Variants in RPS10 observed in about 807,000 individuals in gnomAD.
RPS10 encodes the protein small ribosomal subunit protein eS10.
A neutral mutation model predicts 22.6 loss-of-function variants in RPS10; 2 were observed. The ratio of observed to expected loss-of-function variants is 0.09; its 90% CI spans 0.04 to 0.28. The LOEUF is 0.28. RPS10 is among the 10% of genes least tolerant of loss of function. The probability of loss-of-function intolerance (pLI) is 1.00; values close to 1 mark genes in which losing one functional copy is unlikely to be tolerated. For missense variants in RPS10, 137 were observed against 222.2 expected (o/e 0.62, Z 2.44); for synonymous variants, 70 against 75.9 (o/e 0.92, Z 0.40).
At chr6:34,417,624 C>T in intron 5 of RPS10, 77 bp from the exon 6 acceptor site, 8 of 1,403,482 alleles carry the variant, frequency 5.7e-6, no homozygotes, top group Non-Finnish European at 8.1e-6. Context: ...ACTTTCAGGC[C>T]TCATTATAAC....
chr6:34,419,886 T>A (rs1765705086), intron 4 of RPS10, among the ~76,000 whole-genome samples: 1 of 152,098 alleles, frequency 6.6e-6, no homozygotes. Context: ...CCCTGATTTA[T>A]TTGAGTTGGT....
chr6:34,422,334 A>G (rs556471944), intron 3 of RPS10, among the ~76,000 whole-genome samples: 1 of 152,290 alleles, frequency 6.6e-6, no homozygotes, highest in Admixed American at 6.5e-5. Context: ...TCTTTTTGTG[A>G]GACGGAGTCT....
rs1765746142 is a variant in RPS10 at position 34,421,020 on chromosome 6, A to AT, written c.400+709dup. 2.8e-5 allele frequency among the ~76,000 whole-genome samples: 4 copies of AT among 141,198 alleles called. No homozygotes were observed. The South Asian group carries it at 6.5e-4, about 23-fold the overall frequency. The allele number at this position is 141,198 out of a possible 152,430, so 92.6% of individuals were successfully genotyped here. A position where few individuals can be genotyped will look rare whatever the true frequency, so the allele number is the denominator to read the frequency against. On this transcript the variant is annotated intron_variant, in intron 4 of 5. Transcript: ENST00000648437. ...GAGACTGTCTCAAAAATGAAAGAAA[A>AT]TTAAAAAAAAAAAAAAGTTGAATCC... is the stretch of plus-strand genomic sequence containing the variant.
In RPS10 at chr6:34,424,740, T is replaced by C; in HGVS notation, c.251A>G (p.His84Arg). The C allele has an allele frequency of 6.2e-7, 1 of 1,614,160 alleles. No homozygotes were observed. Among genetic ancestry groups the C allele is most frequent in the South Asian group, 1.1e-5 (1 of 91,078 alleles). ...EGIQYLRDYL[H>R]LPPEIVPATL... ...GGCAGGCACAATCTCCGGGGGCAGA[T>C]GAAGGTAATCACGGAGATACTGGAT... The change falls in exon 3 of 6, where the codon CAT becomes CGT. Residue 84 changes from histidine to arginine, a missense_variant. Coordinates refer to ENST00000648437, the MANE Select transcript of RPS10 (RefSeq NM_001014.5).
At chr6:34,419,121 C>T (rs1355124310) in intron 4 of RPS10, among the ~76,000 whole-genome samples, 3 of 151,842 alleles carry the variant, frequency 2.0e-5, no homozygotes, top group Non-Finnish European at 4.4e-5. Flanking sequence ...CAGGTTCAAG[C>T]GATTCTCCTG....
intron 1 of RPS10, chr6:34,425,656 G>T: frequency 4.4e-6 from 1 of 228,492 alleles, no homozygotes; most frequent in Admixed American, 5.1e-5. Context: ...AAACCAAAGG[G>T]CTAAGGCCTT....
At chr6:34,424,159 A>AAAAAAAAAAAAAAAAC (rs1765869138) in intron 3 of RPS10, 1 of 150,558 alleles carries the variant, frequency 6.6e-6, no homozygotes, top group African/African-American at 2.5e-5. Context: ...AAAAAAAAAA[A>AAAAAAAAAAAAAAAAC]AAAAAGCAAC....
chr6:34,418,307 A>G (rs1292921168), intron 5 of RPS10, 62 bp downstream of exon 5: 2 of 1,613,182 alleles, frequency 1.2e-6, no homozygotes, highest in African/African-American at 1.3e-5. Flanking sequence ...CAACTTGCAG[A>G]GCAACCAGAC....
At chr6:34,419,749 T>C (rs1232511814) in intron 4 of RPS10, among the ~76,000 whole-genome samples, 1 of 152,016 alleles carries the variant, frequency 6.6e-6, no homozygotes, top group Non-Finnish European at 1.5e-5. Flanking sequence ...GCTAATTTTT[T>C]GTATTTTAAG....
chr6:34,418,187 G>C (rs1187256454), intron 5 of RPS10, 182 bp downstream of exon 5: 1 of 1,502,298 alleles, frequency 6.7e-7, no homozygotes. Flanking sequence ...AGTAATTTAT[G>C]TATTTACAAA....
At chr6:34,424,547 CACTTG>C in intron 3 of RPS10, 117 bp downstream of exon 3, 1 of 1,349,416 alleles carries the variant, frequency 7.4e-7, no homozygotes, top group South Asian at 1.3e-5. Context: ...AAGGTTCTAG[CACTTG>C]ACCAAATGCC....
In RPS10 at chr6:34,424,708, G is replaced by A. The variant is rs758507410; in HGVS notation, c.283C>T (p.Arg95Cys). The change falls in exon 3 of 6, where the codon CGC becomes TGC. Residue 95 changes from arginine (R) to cysteine (C), a missense_variant. By Grantham distance (180) the Arg-to-Cys change is radical. Transcript: ENST00000648437. ...CTGCCAGTCTCTGGACGGCTACGGC[G>A]TAGGGTGGCAGGCACAATCTCCGGG... ...LPPEIVPATL[R>C]RSRPETGRPR... is the part of the protein sequence containing the mutation. The A allele has an allele frequency of 6.2e-7, 1 of 1,614,158 alleles. No homozygotes were observed. Among genetic ancestry groups the A allele is most frequent in the Non-Finnish European group, 8.5e-7 (1 of 1,180,024 alleles).
intron 3 of RPS10, among the ~76,000 whole-genome samples, 195 bp from the exon 4 acceptor site, chr6:34,422,002 A>G (rs546844333): frequency 6.7e-6 from 1 of 149,448 alleles, no homozygotes; most frequent in Admixed American, 6.7e-5. Context: ...CTTATTGACA[A>G]TCTTGGCTGC....
At chr6:34,422,507 G>A (rs139808058) in intron 3 of RPS10, among the ~76,000 whole-genome samples, 1 of 151,976 alleles carries the variant, frequency 6.6e-6, no homozygotes, top group African/African-American at 2.4e-5. Flanking sequence ...TAGAAAGGGG[G>A]TTTCAACCTG....
rs77914849 is a variant in RPS10 at position 34,419,947 on chromosome 6, A to G, written c.401-1523T>C. On this transcript the variant is annotated intron_variant, in intron 4 of 5. Coordinates refer to ENST00000648437, the MANE Select transcript of RPS10 (RefSeq NM_001014.5). The stretch of plus-strand genomic sequence containing the variant: ...GCCCAGGCTGGAATGTAGCAACAAG[A>G]TCATAGCTCACTGTATCTCAAACTC... 6.3e-3 allele frequency among the ~76,000 whole-genome samples: 955 copies of G among 152,254 alleles called. 2 individuals are homozygous for G. The highest frequency in any genetic ancestry group is 0.01 in the South Asian group (50 of 4,828).
intron 3 of RPS10, among the ~76,000 whole-genome samples, chr6:34,423,392 A>G (rs1272841405): frequency 6.6e-6 from 1 of 152,144 alleles, no homozygotes; most frequent in Non-Finnish European, 1.5e-5. Flanking sequence ...TTGGCCTCCT[A>G]AAGTGCTGGG....
chr6:34,420,269 G>A (rs1466224117), intron 4 of RPS10, among the ~76,000 whole-genome samples: 2 of 152,068 alleles, frequency 1.3e-5, no homozygotes, highest in African/African-American at 4.8e-5. Flanking sequence ...AGGGTGGAGT[G>A]CAGTGGCATG....
chr6:34,424,159 A>AAAAAAC (rs1765869138), intron 3 of RPS10: 1 of 150,560 alleles, frequency 6.6e-6, no homozygotes, highest in African/African-American at 2.5e-5. Context: ...AAAAAAAAAA[A>AAAAAAC]AAAAAGCAAC....
At chr6:34,421,632 GTCA>G (rs1403107108) in intron 4 of RPS10, 95 bp downstream of exon 4, 14 of 1,342,596 alleles carry the variant, frequency 1.0e-5, no homozygotes, top group African/African-American at 1.4e-5. Flanking sequence ...TGGTCATTTT[GTCA>G]TCATCAAGGG....
Sources: gnomAD v4.1 joint callset for allele counts (sites outside exome capture counted in the v4.1 genomes callset) on GRCh38, gnomAD v4.1.1 for gene constraint, MANE v1.5 for transcripts, NCBI Gene and HGNC (gene_info 2026-07-23, HGNC 2026-07-21) for gene names.